Variants in GABRA3 observed in about 807,000 individuals in gnomAD.
The protein encoded by GABRA3 is gamma-aminobutyric acid type A receptor subunit alpha3, also known as gamma-aminobutyric acid receptor subunit alpha-3.
GABRA3 carries 10 observed loss-of-function variants against 30.1 expected under a neutral mutation model. The ratio of observed to expected loss-of-function variants is 0.33; its 90% CI spans 0.20 to 0.56. The LOEUF (loss-of-function observed/expected upper bound fraction) is 0.56. Among genes scored for constraint, GABRA3 ranks in the 20% least tolerant of loss-of-function variants. The pLI is 0.89. For missense variants in GABRA3, 233 were observed against 392.0 expected (o/e 0.59, Z 3.42); for synonymous variants, 151 against 146.8 (o/e 1.03, Z -0.21).
At chrX:152,212,881 A>G (rs1937649780) in intron 6 of GABRA3, among the ~76,000 whole-genome samples, 1 of 111,000 alleles carries the variant, frequency 9.0e-6, no homozygotes, top group African/African-American at 3.3e-5. Flanking sequence ...TCTTCCACGG[A>G]TTTGGGCTCC....
chrX:152,375,481 G>A (rs1486425008), intron 1 of GABRA3, among the ~76,000 whole-genome samples: 22 of 111,880 alleles, frequency 2.0e-4, no homozygotes, highest in Non-Finnish European at 1.5e-4. Context: ...TACTCCACTT[G>A]CTCTTTGAAA....
At chrX:152,446,062 C>A (rs1231627492) in intron 1 of GABRA3, among the ~76,000 whole-genome samples, 1 of 111,534 alleles carries the variant, frequency 9.0e-6, no homozygotes, top group South Asian at 3.8e-4. Flanking sequence ...CTGGAGGGAC[C>A]CTTCCCTTCC....
At chrX:152,443,260 A>C (rs1930980995) in intron 1 of GABRA3, among the ~76,000 whole-genome samples, 1 of 112,124 alleles carries the variant, frequency 8.9e-6, no homozygotes, top group African/African-American at 3.2e-5. Flanking sequence ...CAATCTCATT[A>C]TAATAAAAGA....
intron 1 of GABRA3, among the ~76,000 whole-genome samples, chrX:152,372,795 T>G (rs1410933478): frequency 1.8e-5 from 2 of 112,145 alleles, no homozygotes; most frequent in Admixed American, 9.5e-5. Flanking sequence ...AAAGGAAAAC[T>G]TTTCTGTTCT....
At chrX:152,287,325 A>C (rs2124441143) in intron 3 of GABRA3, among the ~76,000 whole-genome samples, 1 of 111,309 alleles carries the variant, frequency 9.0e-6, no homozygotes, top group South Asian at 3.8e-4. Flanking sequence ...TCTCACCTTG[A>C]ATTGTAATCC....
intron 5 of GABRA3, among the ~76,000 whole-genome samples, chrX:152,252,786 T>C (rs1227423386): frequency 9.0e-6 from 1 of 111,378 alleles, no homozygotes; most frequent in Non-Finnish European, 1.9e-5. Context: ...CACTCGCTTC[T>C]ATGTCATCTT....
At chrX:152,249,677 C>A (rs1938519049) in intron 5 of GABRA3, among the ~76,000 whole-genome samples, 1 of 110,660 alleles carries the variant, frequency 9.0e-6, no homozygotes, top group African/African-American at 3.3e-5. Context: ...AGCCCCTCTC[C>A]CCACCTCGGA....
chrX:152,267,833 C>A (rs1271753582), intron 4 of GABRA3, among the ~76,000 whole-genome samples: 6 of 110,950 alleles, frequency 5.4e-5, no homozygotes, highest in Non-Finnish European at 9.5e-5. Flanking sequence ...CTTTTTATTT[C>A]TGAGATCTCA....
chrX:152,307,382 T>A (rs1379339228), intron 3 of GABRA3, among the ~76,000 whole-genome samples: 1 of 111,820 alleles, frequency 8.9e-6, no homozygotes, highest in Non-Finnish European at 1.9e-5. Context: ...ATATTCTAAA[T>A]ATTTGAGGAA....
In GABRA3 at chrX:152,253,548, C is replaced by T. The variant is rs778963104; in HGVS notation, c.551+2230G>A. On this transcript the variant is annotated intron_variant, in intron 5 of 9. Coordinates refer to ENST00000370314, the MANE Select transcript of GABRA3 (RefSeq NM_000808.4). The stretch of plus-strand genomic sequence containing the variant: ...TTCTGAAGTTTTCTATATTTACTGC[C>T]GATTTCCTTAACATATCGTCACTTC... 8.9e-5 allele frequency among the ~76,000 whole-genome samples: 10 copies of T among 111,849 alleles called. No individual in the cohort carries two copies. In the East Asian group the frequency reaches 1.4e-3, roughly 16 times the overall value.
At chrX:152,396,670 A>T (rs188712564) in intron 1 of GABRA3, among the ~76,000 whole-genome samples, 1 of 112,337 alleles carries the variant, frequency 8.9e-6, no homozygotes, top group Admixed American at 9.4e-5. Flanking sequence ...CTACATTGAT[A>T]TGTTAAACAA....
intron 2 of GABRA3, among the ~76,000 whole-genome samples, chrX:152,359,537 T>TG (rs1485274909): frequency 5.3e-4 from 59 of 111,322 alleles, no homozygotes; most frequent in African/African-American, 1.9e-3. Context: ...TATGTTTTTT[T>TG]GCATCTCAAT....
chrX:152,373,518 C>A (rs1487703770), intron 1 of GABRA3, among the ~76,000 whole-genome samples: 1 of 111,924 alleles, frequency 8.9e-6, no homozygotes, highest in Non-Finnish European at 1.9e-5. Flanking sequence ...AAAAGTATTC[C>A]TTTTCCTCTG....
intron 1 of GABRA3, among the ~76,000 whole-genome samples, chrX:152,395,286 T>C (rs1156345452): frequency 9.0e-6 from 1 of 111,093 alleles, no homozygotes; most frequent in Non-Finnish European, 1.9e-5. Context: ...ATGGAGAAAA[T>C]ACCCATTCTG....
At chrX:152,183,744 T>C (rs916371279) in intron 9 of GABRA3, among the ~76,000 whole-genome samples, 2 of 111,654 alleles carry the variant, frequency 1.8e-5, no homozygotes, top group Non-Finnish European at 3.8e-5. Context: ...TAAGTTTTGG[T>C]ACACTGTAGG....
chrX:152,238,893 C>T (rs1458594644), intron 5 of GABRA3, among the ~76,000 whole-genome samples: 1 of 111,017 alleles, frequency 9.0e-6, no homozygotes, highest in Non-Finnish European at 1.9e-5. Context: ...TTTTTTTCTT[C>T]ATTAGCCTTG....
intron 4 of GABRA3, among the ~76,000 whole-genome samples, chrX:152,273,036 G>A (rs970279013): frequency 9.0e-6 from 1 of 111,357 alleles, no homozygotes; most frequent in Non-Finnish European, 1.9e-5. Flanking sequence ...CACACCATCT[G>A]ACAAGGGATT....
intron 1 of GABRA3, among the ~76,000 whole-genome samples, chrX:152,438,370 TGATATA>T (rs982200667): frequency 4.5e-5 from 5 of 112,168 alleles, no homozygotes; most frequent in African/African-American, 1.6e-4. Flanking sequence ...CAGTGCAAAA[TGATATA>T]GCCACTTTGG....
chrX:152,337,953 T>A (rs753745445), intron 3 of GABRA3, among the ~76,000 whole-genome samples: 1 of 112,718 alleles, frequency 8.9e-6, no homozygotes, highest in African/African-American at 3.2e-5. Context: ...GGCACTTAGG[T>A]CGATTCCATA....
Sources: allele counts gnomAD v4.1 joint callset (sites outside exome capture counted in the v4.1 genomes callset), GRCh38; gene constraint gnomAD v4.1.1; transcripts MANE v1.5; gene names NCBI Gene and HGNC (gene_info 2026-07-23, HGNC 2026-07-21).